Variants in GABRB2 observed in about 807,000 individuals in gnomAD.
GABRB2 encodes gamma-aminobutyric acid receptor subunit beta-2.
GABRB2 carries 16 observed loss-of-function variants against 54.7 expected under a neutral mutation model. The ratio of observed to expected loss-of-function variants is 0.29; its 90% CI spans 0.20 to 0.44. The LOEUF (loss-of-function observed/expected upper bound fraction) is 0.44. Ranked by LOEUF, GABRB2 falls within the 20% of genes least tolerant of loss-of-function variation. The pLI is 1.00. For missense variants in GABRB2, 355 were observed against 644.0 expected, an observed-to-expected ratio of 0.55 and a Z score of 4.86; for synonymous variants, 244 against 233.8, an observed-to-expected ratio of 1.04 and a Z score of -0.40.
intron 3 of GABRB2, among the ~76,000 whole-genome samples, chr5:161,542,172 T>A (rs1228918014): frequency 2.0e-5 from 3 of 152,084 alleles, no homozygotes; most frequent in Non-Finnish European, 4.4e-5. Context: ...CCCAAACAAT[T>A]GCAATAGTAA....
rs764159075 is a variant in GABRB2 at position 161,330,897 on chromosome 5, G to A, written c.1063C>T (p.Leu355=). 1.2e-5 allele frequency: 19 copies of A among 1,614,112 alleles called. No homozygotes were observed. In the African/African-American group the frequency reaches 2.3e-4, roughly 19 times the overall value. The change falls in exon 8 of 10, where the codon CTG becomes TTG. Residue 355 remains leucine, a synonymous_variant. Coordinates refer to ENST00000393959, the MANE Select transcript of GABRB2 (RefSeq NM_001371727.1). ...TCTGAATTTACCTTGTTGACATCCA[G>A]GCGCATCTTCTCATTGTTGGCACTG... ...AASANNEKMR[L]DVNKIFYKDI... is the part of the protein sequence containing the mutation.
chr5:161,371,692 C>A (rs558120102), intron 5 of GABRB2, among the ~76,000 whole-genome samples: 1 of 151,996 alleles, frequency 6.6e-6, no homozygotes, highest in East Asian at 1.9e-4. Context: ...CAAGGGAAAG[C>A]CAACTATATG....
At chr5:161,438,291 C>T (rs889313823) in intron 4 of GABRB2, among the ~76,000 whole-genome samples, 11 of 152,176 alleles carry the variant, frequency 7.2e-5, no homozygotes, top group South Asian at 4.1e-4. Flanking sequence ...TGGTCTAAGA[C>T]GATCAAAGTG....
intron 3 of GABRB2, among the ~76,000 whole-genome samples, chr5:161,480,860 T>C (rs2113325928): frequency 6.6e-6 from 1 of 152,072 alleles, no homozygotes; most frequent in South Asian, 2.1e-4. Context: ...AATTTGAGGG[T>C]GAATGTGGCA....
chr5:161,408,221 G>A (rs1412395219), intron 5 of GABRB2, among the ~76,000 whole-genome samples: 2 of 152,030 alleles, frequency 1.3e-5, no homozygotes, highest in Non-Finnish European at 2.9e-5. Context: ...GAGCACTTCA[G>A]ATTTTGGATT....
intron 9 of GABRB2, among the ~76,000 whole-genome samples, chr5:161,324,960 C>T (rs1269220111): frequency 6.6e-6 from 1 of 152,064 alleles, no homozygotes; most frequent in Non-Finnish European, 1.5e-5. Flanking sequence ...ATCAACTGCA[C>T]ACTTTAATGC....
At chr5:161,427,018 T>C (rs1475596162) in intron 4 of GABRB2, among the ~76,000 whole-genome samples, 3 of 152,186 alleles carry the variant, frequency 2.0e-5, no homozygotes, top group Admixed American at 6.5e-5. Flanking sequence ...TATTTCCCAA[T>C]AATTCCCCAT....
Position 161,515,507 on chromosome 5 carries a change from A to G in GABRB2, c.237+29720T>C, listed in dbSNP as rs181297255. Among the ~76,000 whole-genome samples the G allele has an allele frequency of 2.4e-3, 357 of 150,486 alleles. 1 individual carries two copies. The highest frequency in any genetic ancestry group is 3.8e-3 in the Non-Finnish European group (255 of 67,344). On this transcript the variant is annotated intron_variant, in intron 3 of 9. Transcript: ENST00000393959. ...CTAAGCACTTTAATTAGCTAAAAAGAAAAAAAAAGGATGTTTAAGGTCTGG... is the reference window on the plus strand; with the variant it reads ...CTAAGCACTTTAATTAGCTAAAAAGGAAAAAAAAGGATGTTTAAGGTCTGG...
In GABRB2 at chr5:161,348,297, A is replaced by G. The variant is rs150685228; in HGVS notation, c.542-11528T>C. 3.9e-5 allele frequency among the ~76,000 whole-genome samples: 6 copies of G among 152,228 alleles called. No homozygotes were observed. The East Asian group carries it at 5.8e-4, about 15-fold the overall frequency. On this transcript the variant is annotated intron_variant, in intron 5 of 9. Coordinates refer to ENST00000393959, the MANE Select transcript of GABRB2 (RefSeq NM_001371727.1). The stretch of plus-strand genomic sequence containing the variant: ...ACGATCCTATTATCTAATGAATATA[A>G]ATAACGTTTTATGAAGAATAACTAT...
intron 5 of GABRB2, among the ~76,000 whole-genome samples, chr5:161,403,710 C>T (rs1241260235): frequency 6.6e-6 from 1 of 152,054 alleles, no homozygotes; most frequent in East Asian, 1.9e-4. Flanking sequence ...AAATGAGTAA[C>T]CACATAATAA....
chr5:161,543,122 A>C (rs986952606), intron 3 of GABRB2, among the ~76,000 whole-genome samples: 1 of 152,236 alleles, frequency 6.6e-6, no homozygotes. Context: ...ACTTGGTTCT[A>C]ATCATTAATG....
At chr5:161,389,143 A>T (rs776418205) in intron 5 of GABRB2, among the ~76,000 whole-genome samples, 3 of 152,012 alleles carry the variant, frequency 2.0e-5, no homozygotes, top group Non-Finnish European at 4.4e-5. Flanking sequence ...GTAGTTTTCA[A>T]TTCAGTGAAC....
chr5:161,460,499 AT>A (rs1758091430), intron 3 of GABRB2, among the ~76,000 whole-genome samples: 1 of 152,208 alleles, frequency 6.6e-6, no homozygotes, highest in African/African-American at 2.4e-5. Flanking sequence ...TAATTACCTA[AT>A]GATTAATTTG....
chr5:161,423,480 C>T (rs941948906), intron 4 of GABRB2, among the ~76,000 whole-genome samples: 1 of 152,102 alleles, frequency 6.6e-6, no homozygotes, highest in Non-Finnish European at 1.5e-5. Context: ...TACAATATTT[C>T]AAACTTTTCA....
intron 3 of GABRB2, among the ~76,000 whole-genome samples, chr5:161,495,201 A>T (rs1759196577): frequency 6.6e-6 from 1 of 151,988 alleles, no homozygotes; most frequent in Non-Finnish European, 1.5e-5. Flanking sequence ...AGATCATCTG[A>T]ACACTGTTAT....
At chr5:161,489,336 T>A (rs1275128885) in intron 3 of GABRB2, among the ~76,000 whole-genome samples, 5 of 151,666 alleles carry the variant, frequency 3.3e-5, no homozygotes, top group African/African-American at 1.2e-4. Context: ...CAGATAATAA[T>A]GGGTAACATT....
chr5:161,342,728 AG>A (rs2113419397), intron 5 of GABRB2, among the ~76,000 whole-genome samples: 1 of 152,172 alleles, frequency 6.6e-6, no homozygotes, highest in South Asian at 2.1e-4. Context: ...AAGCCAGGTA[AG>A]CACTGGAGAA....
chr5:161,375,132 C>G (rs1676710919), intron 5 of GABRB2, among the ~76,000 whole-genome samples: 1 of 152,116 alleles, frequency 6.6e-6, no homozygotes, highest in African/African-American at 2.4e-5. Context: ...TAGTCGTCTT[C>G]CAGGGCTCAG....
At chr5:161,474,826 G>A (rs1758547493) in intron 3 of GABRB2, among the ~76,000 whole-genome samples, 2 of 151,860 alleles carry the variant, frequency 1.3e-5, no homozygotes, top group Admixed American at 6.6e-5. Context: ...TAACTTTACG[G>A]TATAGTCAAT....
Sources: gnomAD v4.1 joint callset for allele counts (sites outside exome capture counted in the v4.1 genomes callset) on GRCh38, gnomAD v4.1.1 for gene constraint, MANE v1.5 for transcripts, NCBI Gene and HGNC (gene_info 2026-07-23, HGNC 2026-07-21) for gene names.